NETO2: variants seen among roughly 807,000 people sequenced by gnomAD.
The protein encoded by NETO2 is neuropilin and tolloid-like protein 2.
Under a neutral mutation model 62.5 loss-of-function variants are expected in NETO2, and 28 were observed. The ratio of observed to expected loss-of-function variants is 0.45; its 90% CI spans 0.33 to 0.61. The LOEUF (loss-of-function observed/expected upper bound fraction) is 0.61, where lower values mean the gene tolerates loss of function less well. Ranked by LOEUF, NETO2 falls within the 20% of genes least tolerant of loss-of-function variation. The probability of loss-of-function intolerance (pLI) is 0.02; values close to 1 mark genes in which losing one functional copy is unlikely to be tolerated. For synonymous variants in NETO2, 214 were observed against 219.1 expected (o/e 0.98, Z 0.21); for missense variants, 548 against 643.2 (o/e 0.85, Z 1.60).
At chr16:47,133,677 T>C (rs1425018507) in intron 1 of NETO2, among the ~76,000 whole-genome samples, 1 of 150,898 alleles carries the variant, frequency 6.6e-6, no homozygotes, top group Non-Finnish European at 1.5e-5. Context: ...CATGGAGGCA[T>C]GAGCTCTAAC....
intron 1 of NETO2, among the ~76,000 whole-genome samples, chr16:47,140,352 A>G (rs562181229): frequency 1.3e-5 from 2 of 152,324 alleles, no homozygotes; most frequent in East Asian, 3.9e-4. Context: ...CAGGAGCGTA[A>G]GTTGAAAAAT....
chr16:47,128,515 T>C lies in NETO2; in HGVS notation c.291A>G (p.Ser97=), dbSNP rs1407164058. The change falls in exon 4 of 9, where the codon TCA becomes TCG. Residue 97 remains serine, a synonymous_variant. Coordinates refer to ENST00000562435, the MANE Select transcript of NETO2 (RefSeq NM_018092.5). ...CCAAGTGATCAAACCGACACTCAAA[T>C]GATGGTTCTATATAATAATGTTCAT... The part of the protein sequence containing the change: ...TFDEHYYIEP[S]FECRFDHLEV... The C allele has an allele frequency of 3.1e-6, 5 of 1,613,830 alleles. No individual in the cohort carries two copies. In the East Asian group the frequency reaches 6.7e-5, roughly 22 times the overall value.
intron 2 of NETO2, 145 bp downstream of exon 2, chr16:47,131,824 T>C: frequency 1.5e-6 from 1 of 689,302 alleles, no homozygotes; most frequent in Non-Finnish European, 2.6e-6. Flanking sequence ...TCAGTTAAAT[T>C]GAGGCTGATG....
intron 4 of NETO2, among the ~76,000 whole-genome samples, chr16:47,124,255 A>G (rs1027464753): frequency 6.6e-6 from 1 of 152,250 alleles, no homozygotes; most frequent in Non-Finnish European, 1.5e-5. Flanking sequence ...TGAAATTTAA[A>G]TCTTAAACGG....
intron 7 of NETO2, among the ~76,000 whole-genome samples, chr16:47,099,140 G>T (rs921189442): frequency 3.3e-5 from 5 of 152,160 alleles, no homozygotes; most frequent in African/African-American, 1.2e-4. Flanking sequence ...TTACAGGTGT[G>T]TGAGCCACTG....
chr16:47,096,739 C>A (rs1963434804), intron 7 of NETO2, among the ~76,000 whole-genome samples: 1 of 152,202 alleles, frequency 6.6e-6, no homozygotes. Context: ...TCAGTTGATT[C>A]CTGGGCAAGA....
At position 47,114,439 on chromosome 16, in the gene NETO2, C is replaced by CTTTTTTTT. The variant is rs33994080; in HGVS notation, c.655-4736_655-4729dup. On this transcript the variant is annotated intron_variant, in intron 6 of 8. Coordinates refer to ENST00000562435, the MANE Select transcript of NETO2 (RefSeq NM_018092.5). Reference sequence around the variant, plus strand: ...TTTCATTAGTCCAATTTATAAATTTCTTTTTTTTTTTTTTTTTTTTTTTTT... The same window carrying CTTTTTTTT: ...TTTCATTAGTCCAATTTATAAATTTCTTTTTTTTTTTTTTTTTTTTTTTTTTTTTTTTT... Among the ~76,000 whole-genome samples the CTTTTTTTT allele has an allele frequency of 1.6e-3, 61 of 37,932 alleles. 4 individuals are homozygous for CTTTTTTTT. Among genetic ancestry groups the CTTTTTTTT allele is most frequent in the Non-Finnish European group, 2.6e-3 (52 of 19,748 alleles). The allele number at this position is 37,932 out of a possible 152,430, so 24.9% of individuals were successfully genotyped here. A position where few individuals can be genotyped will look rare whatever the true frequency, so the allele number is the denominator to read the frequency against.
intron 6 of NETO2, among the ~76,000 whole-genome samples, chr16:47,117,834 C>T (rs1346172686): frequency 6.6e-6 from 1 of 151,992 alleles, no homozygotes; most frequent in Non-Finnish European, 1.5e-5. Flanking sequence ...TACCTGTAAT[C>T]CTAGCAGTTT....
In NETO2 at chr16:47,143,890, G is replaced by C. The variant is rs566424353; in HGVS notation, c.-278C>G. ...CGAGGGCCGAGGAGTGCGGACGCGC[G>C]GCGCGGGACCGGCAGGCAGCTCCGC... is the stretch of plus-strand genomic sequence containing the variant. On this transcript the variant is annotated 5_prime_UTR_variant, in exon 1 of 9. Transcript: ENST00000562435. 4.3e-6 allele frequency: 1 copy of C among 230,424 alleles called. No individual in the cohort carries two copies. Among genetic ancestry groups the C allele is most frequent in the South Asian group, 1.8e-4 (1 of 5,652 alleles). 14.3% of individuals were successfully genotyped at this position (230,424 alleles called of 1,614,324 possible).
At chr16:47,123,646 T>TA (rs529149418) in intron 4 of NETO2, among the ~76,000 whole-genome samples, 1 of 152,094 alleles carries the variant, frequency 6.6e-6, no homozygotes, top group Non-Finnish European at 1.5e-5. Flanking sequence ...ACAGCCAGAA[T>TA]AAAAAAAATT....
intron 7 of NETO2, among the ~76,000 whole-genome samples, chr16:47,102,498 G>A (rs1474074991): frequency 2.0e-5 from 3 of 151,766 alleles, no homozygotes; most frequent in African/African-American, 4.8e-5. Flanking sequence ...ACAGTGAACA[G>A]GCAACCTACA....
intron 7 of NETO2, among the ~76,000 whole-genome samples, chr16:47,087,198 G>C (rs1394468835): frequency 6.6e-6 from 1 of 152,012 alleles, no homozygotes; most frequent in African/African-American, 2.4e-5. Flanking sequence ...GCTAATTTTT[G>C]TATTTTTAGC....
intron 4 of NETO2, among the ~76,000 whole-genome samples, chr16:47,123,996 C>T (rs375404505): frequency 6.6e-6 from 1 of 152,184 alleles, no homozygotes; most frequent in African/African-American, 2.4e-5. Flanking sequence ...TGCACCCGGA[C>T]TGGAAAATCT....
chr16:47,110,684 T>G (rs1963777788), intron 6 of NETO2, among the ~76,000 whole-genome samples: 1 of 152,220 alleles, frequency 6.6e-6, no homozygotes, highest in Admixed American at 6.5e-5. Flanking sequence ...TACCTTTGAA[T>G]TGCCATTCAA....
chr16:47,134,759 G>A (rs1018222583), intron 1 of NETO2, among the ~76,000 whole-genome samples: 2 of 152,192 alleles, frequency 1.3e-5, no homozygotes, highest in Non-Finnish European at 2.9e-5. Flanking sequence ...CTATGGCAAA[G>A]GGATGAACTG....
At chr16:47,130,141 G>T (rs1304448730) in intron 2 of NETO2, among the ~76,000 whole-genome samples, 4 of 152,208 alleles carry the variant, frequency 2.6e-5, no homozygotes. Context: ...AAAACAGGGA[G>T]ACGAGTGAAT....
chr16:47,136,705 C>A (rs1166892915), intron 1 of NETO2, among the ~76,000 whole-genome samples: 1 of 152,030 alleles, frequency 6.6e-6, no homozygotes, highest in Non-Finnish European at 1.5e-5. Context: ...CACACCCAGC[C>A]CCAAGAATTT....
chr16:47,086,019 T>C (rs1963181646), intron 8 of NETO2, among the ~76,000 whole-genome samples: 3 of 152,098 alleles, frequency 2.0e-5, no homozygotes, highest in African/African-American at 4.8e-5. Flanking sequence ...GGCAGGAGAA[T>C]GGTGTGAACC....
intron 6 of NETO2, among the ~76,000 whole-genome samples, chr16:47,117,484 A>G (rs1963946532): frequency 6.6e-6 from 1 of 152,172 alleles, no homozygotes; most frequent in African/African-American, 2.4e-5. Context: ...CTAGGACTTA[A>G]ATAACACAAA....
Sources: gnomAD v4.1 joint callset for allele counts (sites outside exome capture counted in the v4.1 genomes callset) on GRCh38, gnomAD v4.1.1 for gene constraint, MANE v1.5 for transcripts, NCBI Gene and HGNC (gene_info 2026-07-23, HGNC 2026-07-21) for gene names.